MITF: variants seen among roughly 807,000 people sequenced by gnomAD.
The protein encoded by MITF is microphthalmia-associated transcription factor.
In MITF, 17 loss-of-function variants were observed where a neutral mutation model predicts 60.5. That is an observed-to-expected ratio of 0.28 (90% confidence interval 0.19 to 0.42). The LOEUF (loss-of-function observed/expected upper bound fraction) is 0.42. Among genes scored for constraint, MITF ranks in the 10% least tolerant of loss-of-function variants. MITF has a pLI of 1.00. For missense variants in MITF, 622 were observed against 683.5 expected, an observed-to-expected ratio of 0.91 and a Z score of 1.00; for synonymous variants, 260 against 248.5, an observed-to-expected ratio of 1.05 and a Z score of -0.43.
At chr3:69,931,677 A>G (rs1049956207) in intron 2 of MITF, among the ~76,000 whole-genome samples, 2 of 152,232 alleles carry the variant, frequency 1.3e-5, no homozygotes, top group East Asian at 3.8e-4. Flanking sequence ...GTATGAAAGT[A>G]TACAGACCCA....
At chr3:69,824,942 G>C (rs183468908) in intron 1 of MITF, among the ~76,000 whole-genome samples, 1 of 152,298 alleles carries the variant, frequency 6.6e-6, no homozygotes, top group Admixed American at 6.5e-5. Flanking sequence ...GGGGATAAAG[G>C]CTCTCCCTTG....
intron 1 of MITF, among the ~76,000 whole-genome samples, chr3:69,843,425 G>T (rs1051181176): frequency 1.3e-5 from 2 of 152,116 alleles, no homozygotes; most frequent in African/African-American, 2.4e-5. Context: ...CTGAAAATTT[G>T]TGCATCCTCC....
chr3:69,841,758 A>G (rs2063641050), intron 1 of MITF, among the ~76,000 whole-genome samples: 1 of 152,230 alleles, frequency 6.6e-6, no homozygotes, highest in South Asian at 2.1e-4. Context: ...TATTTAATTT[A>G]GAAGTGGCAG....
At chr3:69,890,277 C>T (rs1302899190) in intron 2 of MITF, among the ~76,000 whole-genome samples, 2 of 152,148 alleles carry the variant, frequency 1.3e-5, no homozygotes, top group Non-Finnish European at 2.9e-5. Flanking sequence ...TGACTCATCT[C>T]TGCCAATAGC....
At chr3:69,901,046 G>A (rs1179757595) in intron 2 of MITF, among the ~76,000 whole-genome samples, 1 of 152,010 alleles carries the variant, frequency 6.6e-6, no homozygotes, top group East Asian at 1.9e-4. Context: ...TGAGGTATGT[G>A]TTAAGTGAAT....
At chr3:69,930,296 T>C (rs1446525282) in intron 2 of MITF, among the ~76,000 whole-genome samples, 8 of 152,022 alleles carry the variant, frequency 5.3e-5, no homozygotes, top group Non-Finnish European at 1.2e-4. Flanking sequence ...CTCTGACATT[T>C]AGAGGGGAGA....
At chr3:69,743,242 A>G (rs1412390974) in intron 1 of MITF, among the ~76,000 whole-genome samples, 1 of 152,220 alleles carries the variant, frequency 6.6e-6, no homozygotes, top group Non-Finnish European at 1.5e-5. Context: ...ATCCCGTGGT[A>G]GGCAAAGTAC....
chr3:69,768,588 A>G (rs112891167), intron 1 of MITF, among the ~76,000 whole-genome samples: 4 of 152,244 alleles, frequency 2.6e-5, no homozygotes, highest in Non-Finnish European at 4.4e-5. Context: ...TAGCCATTCT[A>G]TCTGTGTTCC....
intron 9 of MITF, among the ~76,000 whole-genome samples, chr3:69,963,608 A>G (rs545879881): frequency 6.6e-6 from 1 of 152,214 alleles, no homozygotes; most frequent in African/African-American, 2.4e-5. Flanking sequence ...TCTGTTGGGC[A>G]CTGCACGACT....
chr3:69,900,038 A>C (rs2064962164), intron 2 of MITF, among the ~76,000 whole-genome samples: 3 of 152,106 alleles, frequency 2.0e-5, no homozygotes, highest in Admixed American at 2.0e-4. Context: ...AGAATAACTG[A>C]CTTGCTCAGT....
At chr3:69,960,216 A>G (rs1015271901) in intron 9 of MITF, among the ~76,000 whole-genome samples, 6 of 152,222 alleles carry the variant, frequency 3.9e-5, no homozygotes, top group Admixed American at 2.6e-4. Flanking sequence ...CTGTGTTTAC[A>G]GGGAACTTGG....
At chr3:69,784,415 A>G (rs908512832) in intron 1 of MITF, among the ~76,000 whole-genome samples, 2 of 152,170 alleles carry the variant, frequency 1.3e-5, no homozygotes, top group Non-Finnish European at 2.9e-5. Context: ...AGGAATGAAA[A>G]TCCTTTGAGA....
intron 2 of MITF, among the ~76,000 whole-genome samples, chr3:69,896,779 G>T (rs1386213014): frequency 1.3e-5 from 2 of 152,182 alleles, no homozygotes; most frequent in Non-Finnish European, 2.9e-5. Context: ...ACCTAGCACA[G>T]CCCCTGAGCT....
At chr3:69,923,916 T>A (rs887578275) in intron 2 of MITF, among the ~76,000 whole-genome samples, 1 of 152,056 alleles carries the variant, frequency 6.6e-6, no homozygotes, top group African/African-American at 2.4e-5. Context: ...TTTTGTTTGT[T>A]TTTTTTTGGC....
rs770964270 is a variant in MITF, at chr3:69,965,009, C to T, written c.1342C>T (p.Leu448Phe). 6 of 1,614,130 alleles carry T rather than the reference C, an allele frequency of 3.7e-6. No individual in the cohort carries two copies. The highest frequency in any genetic ancestry group is 5.1e-6 in the Non-Finnish European group (6 of 1,180,022). The change falls in exon 10 of 10, where the codon CTC becomes TTC. Residue 448 changes from leucine to phenylalanine, a missense_variant. By Grantham distance (22) the Leu-to-Phe change is conservative. Coordinates refer to ENST00000352241, the MANE Select transcript of MITF (RefSeq NM_001354604.2). ...HHADLTCTTT[L>F]DLTDGTITFN... ...TGCAGACCTAACCTGTACAACAACT[C>T]TCGATCTCACGGATGGCACCATCAC...
chr3:69,818,672 A>T (rs2063219138), intron 1 of MITF, among the ~76,000 whole-genome samples: 1 of 152,232 alleles, frequency 6.6e-6, no homozygotes, highest in African/African-American at 2.4e-5. Flanking sequence ...TGAATTAAGT[A>T]CAGTTTGGGC....
At chr3:69,755,780 A>G (rs1456615745) in intron 1 of MITF, among the ~76,000 whole-genome samples, 1 of 152,084 alleles carries the variant, frequency 6.6e-6, no homozygotes, top group African/African-American at 2.4e-5. Flanking sequence ...ACCTCATTGA[A>G]TAGTTGTGAA....
intron 1 of MITF, among the ~76,000 whole-genome samples, chr3:69,856,231 T>A (rs574117759): frequency 4.6e-5 from 7 of 152,328 alleles, no homozygotes; most frequent in Non-Finnish European, 7.3e-5. Context: ...AAATTTTAGC[T>A]ATTCTCATGC....
intron 5 of MITF, among the ~76,000 whole-genome samples, chr3:69,947,971 G>A (rs1479727391): frequency 2.0e-5 from 3 of 152,250 alleles, no homozygotes; most frequent in African/African-American, 7.2e-5. Flanking sequence ...GTTTTTACTA[G>A]ATACTTCTCA....
Sources: gnomAD v4.1 joint callset for allele counts (sites outside exome capture counted in the v4.1 genomes callset) on GRCh38, gnomAD v4.1.1 for gene constraint, MANE v1.5 for transcripts, NCBI Gene and HGNC (gene_info 2026-07-23, HGNC 2026-07-21) for gene names.